OSBPL10: variants seen among roughly 807,000 people sequenced by gnomAD.
OSBPL10 encodes oxysterol-binding protein-related protein 10.
Under a neutral mutation model 81.7 loss-of-function variants are expected in OSBPL10, and 49 were observed. That is an observed-to-expected ratio of 0.60 (90% CI 0.48 to 0.76). OSBPL10 has a LOEUF of 0.76. Among genes scored for constraint, OSBPL10 ranks in the 30% least tolerant of loss-of-function variants. OSBPL10 has a pLI of 0.00. For synonymous variants in OSBPL10, 419 were observed against 383.6 expected (o/e 1.09, Z -1.08); for missense variants, 923 against 987.8 (o/e 0.93, Z 0.88).
chr3:31,714,527 TG>T (rs1279362532), intron 6 of OSBPL10: 2 of 152,438 alleles, frequency 1.3e-5, no homozygotes, highest in African/African-American at 4.8e-5. Flanking sequence ...CTAAACACGA[TG>T]GGCAAATAGA....
intron 4 of OSBPL10, among the ~76,000 whole-genome samples, chr3:31,779,206 T>C (rs149516291): frequency 4.7e-4 from 71 of 152,234 alleles, no homozygotes; most frequent in African/African-American, 1.7e-3. Flanking sequence ...AATAAAACAA[T>C]ATCTCACATC....
chr3:31,912,153 TG>T (rs925030933), intron 1 of OSBPL10, among the ~76,000 whole-genome samples: 2 of 151,898 alleles, frequency 1.3e-5, no homozygotes, highest in Non-Finnish European at 2.9e-5. Context: ...CCCAGAACTT[TG>T]GGGGGCCGAG....
intron 3 of OSBPL10, among the ~76,000 whole-genome samples, chr3:31,871,943 A>T (rs1339832620): frequency 1.3e-5 from 2 of 152,224 alleles, no homozygotes; most frequent in Non-Finnish European, 2.9e-5. Flanking sequence ...CTTCAAAGTC[A>T]TACACAAGTA....
chr3:31,702,543 G>A (rs1344490245), intron 6 of OSBPL10, 35 bp from the exon 7 acceptor site: 2 of 1,612,768 alleles, frequency 1.2e-6, no homozygotes, highest in African/African-American at 2.7e-5. Context: ...TCACCAGCTG[G>A]CCCAATAGAA....
At chr3:31,789,594 C>A (rs1399508304) in intron 4 of OSBPL10, among the ~76,000 whole-genome samples, 1 of 152,190 alleles carries the variant, frequency 6.6e-6, no homozygotes, top group East Asian at 1.9e-4. Flanking sequence ...GCCGGGAGCA[C>A]TGCCAGGCAG....
chr3:31,688,746 C>T (rs1700864432), intron 7 of OSBPL10, among the ~76,000 whole-genome samples: 1 of 152,228 alleles, frequency 6.6e-6, no homozygotes, highest in South Asian at 2.1e-4. Context: ...TATTCACATA[C>T]ATACCAACTT....
chr3:31,729,935 G>T (rs1291253100), intron 6 of OSBPL10, among the ~76,000 whole-genome samples: 1 of 152,184 alleles, frequency 6.6e-6, no homozygotes, highest in Non-Finnish European at 1.5e-5. Context: ...GAGGAACTTG[G>T]TCTCCAAATC....
At chr3:32,040,955 A>G (rs1383450515) in intron 2 of OSBPL10, among the ~76,000 whole-genome samples, 5 of 152,190 alleles carry the variant, frequency 3.3e-5, no homozygotes, top group African/African-American at 1.2e-4. Flanking sequence ...GTCCCTATGA[A>G]GGGGACAGTT....
At chr3:31,952,832 G>C (rs1374242299) in intron 1 of OSBPL10, among the ~76,000 whole-genome samples, 1 of 151,990 alleles carries the variant, frequency 6.6e-6, no homozygotes, top group African/African-American at 2.4e-5. Flanking sequence ...GTACTAATCA[G>C]TGACTTTAAA....
intron 10 of OSBPL10, among the ~76,000 whole-genome samples, chr3:31,665,571 G>C (rs1472730256): frequency 6.6e-6 from 1 of 152,172 alleles, no homozygotes; most frequent in African/African-American, 2.4e-5. Context: ...GATGCCAACA[G>C]AAGAAACCCC....
intron 2 of OSBPL10, among the ~76,000 whole-genome samples, chr3:32,012,107 TC>T (rs1699265919): frequency 6.6e-6 from 1 of 152,046 alleles, no homozygotes; most frequent in South Asian, 2.1e-4. Flanking sequence ...ACAAAGATAC[TC>T]CTTGGGAAGA....
At chr3:31,844,767 GTCC>G (rs1442824497) in intron 3 of OSBPL10, among the ~76,000 whole-genome samples, 9 of 152,170 alleles carry the variant, frequency 5.9e-5, no homozygotes, top group African/African-American at 2.2e-4. Context: ...TCATTTAATT[GTCC>G]TCTTTAAAAA....
At chr3:31,924,225 AAAAAG>A (rs1697002749) in intron 1 of OSBPL10, among the ~76,000 whole-genome samples, 1 of 150,998 alleles carries the variant, frequency 6.6e-6, no homozygotes. Flanking sequence ...TCTAAAAAAA[AAAAAG>A]AAAGAAAGAA....
At chr3:31,939,153 T>A (rs903459911) in intron 1 of OSBPL10, among the ~76,000 whole-genome samples, 1 of 150,288 alleles carries the variant, frequency 6.7e-6, no homozygotes, top group Non-Finnish European at 1.5e-5. Context: ...CCTTTTTTTT[T>A]TTTTTTTTTG....
intron 4 of OSBPL10, among the ~76,000 whole-genome samples, chr3:31,781,365 G>A (rs191592415): frequency 6.6e-6 from 1 of 152,096 alleles, no homozygotes; most frequent in Admixed American, 6.5e-5. Flanking sequence ...ACACTAAAAT[G>A]GGGGAAAGTT....
intron 1 of OSBPL10, among the ~76,000 whole-genome samples, chr3:31,961,087 T>C (rs1170425666): frequency 6.9e-6 from 1 of 144,554 alleles, no homozygotes; most frequent in East Asian, 2.1e-4. Flanking sequence ...CCAGAGCCAT[T>C]CTACATCAAA....
rs112954298 is a variant in OSBPL10, at chr3:32,071,781, A to G, written n.185+5615T>C. 8.9e-3 allele frequency among the ~76,000 whole-genome samples: 1,359 copies of G among 152,186 alleles called. 9 individuals are homozygous for G. The highest frequency in any genetic ancestry group is 0.034 in the Middle Eastern group (10 of 294). On this transcript the variant is annotated intron_variant and non_coding_transcript_variant, in intron 1 of 3. Coordinates refer to the OSBPL10 transcript ENST00000479173. Reference sequence around the variant, plus strand: ...CTTTGTTGTGTCTCCCACAGTTACCATTGTTCCTGGCCCAGACTTCAATCC... The same window carrying G: ...CTTTGTTGTGTCTCCCACAGTTACCGTTGTTCCTGGCCCAGACTTCAATCC...
chr3:31,847,982 C>T (rs947300467), intron 3 of OSBPL10, among the ~76,000 whole-genome samples: 1 of 152,184 alleles, frequency 6.6e-6, no homozygotes, highest in South Asian at 2.1e-4. Context: ...GAGTGAAGCA[C>T]GCCAGCCCCT....
intron 2 of OSBPL10, among the ~76,000 whole-genome samples, chr3:32,026,056 A>ATAGATAGATGATAGATAGATGAT (rs1553649783): frequency 5.8e-5 from 6 of 104,308 alleles, no homozygotes; most frequent in African/African-American, 2.4e-4. Context: ...AGATAGATAG[A>ATAGATAGATGATAGATAGATGAT]TGATAGATAG....
Sources: gnomAD v4.1 joint callset for allele counts (sites outside exome capture counted in the v4.1 genomes callset) on GRCh38, gnomAD v4.1.1 for gene constraint, MANE v1.5 for transcripts, NCBI Gene and HGNC (gene_info 2026-07-23, HGNC 2026-07-21) for gene names.